The following HYOU1 variants were observed in gnomAD, a reference collection of about 807,000 sequenced individuals.
The protein encoded by HYOU1 is hypoxia up-regulated 1.
HYOU1 carries 40 observed loss-of-function variants against 120.5 expected under a neutral mutation model. The observed-to-expected ratio is 0.33, with a 90% CI of 0.26 to 0.43. HYOU1 has a LOEUF of 0.43. HYOU1 is among the 20% of genes least tolerant of loss of function. The pLI, the probability that HYOU1 is intolerant of heterozygous loss-of-function variation, is 1.00. For missense variants in HYOU1, 1,085 were observed against 1,278.3 expected (o/e 0.85, Z 2.31); for synonymous variants, 501 against 479.4 (o/e 1.05, Z -0.59).
At chr11:119,049,471 G>A in intron 16 of HYOU1, 85 bp downstream of exon 16, 1 of 1,549,944 alleles carries the variant, frequency 6.5e-7, no homozygotes, top group South Asian at 1.1e-5. Flanking sequence ...GGGCAGGGGT[G>A]GCCTACCCTC....
chr11:119,052,418 C>G lies in HYOU1; in HGVS notation c.999G>C (p.Leu333=). ...TTGCCTTGAAGTCCACATCATCCAT[C>G]AGGCCTTCAATCTGGGAGAGGATGG... ...NADHMAQIEG[L]MDDVDFKAKV... Residue 333 remains leucine (L), a synonymous_variant, in exon 10 of 26, where the codon CTG becomes CTC. Coordinates refer to ENST00000617285, the MANE Select transcript of HYOU1 (RefSeq NM_006389.5). This position sits in a 1 kb window ranked among gnomAD's most constrained non-coding sequence, Gnocchi z 5.0. 1.2e-6 allele frequency: 2 copies of G among 1,614,212 alleles called. No individual in the cohort carries two copies. Among genetic ancestry groups the G allele is most frequent in the South Asian group, 2.2e-5 (2 of 91,080 alleles).
intron 16 of HYOU1, 142 bp downstream of exon 16, chr11:119,049,414 A>G (rs1324844492): frequency 6.4e-7 from 1 of 1,571,970 alleles, no homozygotes; most frequent in Non-Finnish European, 8.7e-7. Flanking sequence ...GTCAAGAAAC[A>G]GCTCAGAGCC....
intron 24 of HYOU1, 81 bp downstream of exon 24, chr11:119,046,336 G>T: frequency 1.6e-6 from 2 of 1,226,812 alleles, no homozygotes; most frequent in South Asian, 1.2e-5. Context: ...GGGCTGTCTA[G>T]AAACAGGCTG....
chr11:119,051,267 A>G lies in HYOU1; in HGVS notation c.1527-94T>C. ...CCTCCTGGCACAAGGTGTCAGGGGC[A>G]CTCCCCAAGGGCACACTCAAGAGGA... On this transcript the variant is annotated intron_variant, in intron 13 of 25. Coordinates refer to ENST00000617285, the MANE Select transcript of HYOU1 (RefSeq NM_006389.5). The surrounding 1 kb of genome is among the most constrained non-coding windows in gnomAD (Gnocchi z 4.2). The G allele has an allele frequency of 6.4e-7, 1 of 1,555,844 alleles. No homozygotes were observed. Among genetic ancestry groups the G allele is most frequent in the Non-Finnish European group, 8.8e-7 (1 of 1,138,782 alleles).
At position 119,047,937 on chromosome 11, in the gene HYOU1, G is replaced by A. The variant is rs2133559577; in HGVS notation, c.2510+10C>T. The A allele has an allele frequency of 9.0e-4, 1,456 of 1,614,172 alleles. 15 individuals are homozygous for A. In the East Asian group the frequency reaches 0.018, roughly 20 times the overall value. Reference sequence around the variant, plus strand: ...GGCAGGACTGCAAAAAGGGTTCAGGGGCTGCTCACTTGAGGAACATGCTGG... The same window carrying A: ...GGCAGGACTGCAAAAAGGGTTCAGGAGCTGCTCACTTGAGGAACATGCTGG... On this transcript the variant is annotated intron_variant, in intron 21 of 25. Transcript: ENST00000617285.
chr11:119,048,132 G>A lies in HYOU1; in HGVS notation c.2377-52C>T, dbSNP rs1473162957. The stretch of plus-strand genomic sequence containing the variant: ...GGTGGAAGGGACGACAGCAGAGCCT[G>A]GAGTCAGCCCCATGTCCTTCTTTAT... On this transcript the variant is annotated intron_variant, in intron 20 of 25. Coordinates refer to ENST00000617285, the MANE Select transcript of HYOU1 (RefSeq NM_006389.5). The surrounding 1 kb of genome is among the most constrained non-coding windows in gnomAD (Gnocchi z 4.7). 3 of 1,612,664 alleles carry A rather than the reference G, an allele frequency of 1.9e-6. No individual in the cohort carries two copies. The highest frequency in any genetic ancestry group is 2.0e-4 in the Middle Eastern group (1 of 4,956).
chr11:119,045,839 G>C lies in HYOU1; in HGVS notation c.2888-8C>G, dbSNP rs1333457129. ...TGTCTCCTGGCTCGGATCCTGCTTT[G>C]GGAAGAAACAGGTTAGTCTCCTCAG... On this transcript the variant is annotated splice_polypyrimidine_tract_variant and splice_region_variant and intron_variant, in intron 24 of 25. Coordinates refer to ENST00000617285, the MANE Select transcript of HYOU1 (RefSeq NM_006389.5). The C allele has an allele frequency of 8.1e-6, 13 of 1,612,054 alleles. No individual in the cohort carries two copies. The highest frequency in any genetic ancestry group is 1.1e-5 in the Non-Finnish European group (13 of 1,179,564).
chr11:119,047,952 G>A lies in HYOU1; in HGVS notation c.2505C>T (p.Phe835=), dbSNP rs151232109. The change falls in exon 21 of 26, where the codon TTC becomes TTT. Residue 835 remains phenylalanine, a synonymous_variant. Coordinates refer to ENST00000617285, the MANE Select transcript of HYOU1 (RefSeq NM_006389.5). ...AGGGTTCAGGGGCTGCTCACTTGAG[G>A]AACATGCTGGAATGGTTGAGGAGAT... ...LDNLLNHSSM[F]LKGARLIPEM... is the part of the protein sequence containing the mutation. 2.0e-5 allele frequency: 32 copies of A among 1,614,060 alleles called. No homozygotes were observed. In the African/African-American group the frequency reaches 4.3e-4, roughly 22 times the overall value.
At chr11:119,047,917 G>C (rs2133559388) in intron 21 of HYOU1, 30 bp downstream of exon 21, 17 of 1,613,848 alleles carry the variant, frequency 1.1e-5, no homozygotes, top group Admixed American at 5.0e-5. Flanking sequence ...GCCTTGGCAG[G>C]ACTGCAAAAA....
At position 119,051,814 on chromosome 11, in the gene HYOU1, C is replaced by T; in HGVS notation, c.1338+5G>A. 6.2e-7 allele frequency: 1 copy of T among 1,614,108 alleles called. No individual in the cohort carries two copies. The highest frequency in any genetic ancestry group is 8.5e-7 in the Non-Finnish European group (1 of 1,179,964). Reference sequence around the variant, plus strand: ...CTTGTCACCTGCTCAGTCAGGCTCACTCACCAGGATGGGGTAGACCACTGC... The same window carrying T: ...CTTGTCACCTGCTCAGTCAGGCTCATTCACCAGGATGGGGTAGACCACTGC... On this transcript the variant is annotated splice_donor_5th_base_variant and intron_variant, in intron 12 of 25. Coordinates refer to ENST00000617285, the MANE Select transcript of HYOU1 (RefSeq NM_006389.5). The surrounding 1 kb of genome is among the most constrained non-coding windows in gnomAD (Gnocchi z 4.2).
rs2133567189 is a variant in HYOU1, at chr11:119,048,788, C to T, written c.2091G>A (p.Glu697=). The T allele has an allele frequency of 2.5e-6, 4 of 1,614,166 alleles. No homozygotes were observed. Among genetic ancestry groups the T allele is most frequent in the East Asian group, 2.2e-5 (1 of 44,884 alleles). Residue 697 remains glutamate, a synonymous_variant, in exon 18 of 26, where the codon GAG becomes GAA. Coordinates refer to ENST00000617285, the MANE Select transcript of HYOU1 (RefSeq NM_006389.5). The surrounding 1 kb of genome is among the most constrained non-coding windows in gnomAD (Gnocchi z 4.7). ...GAACAACCAGCTCCACCCCGATCTC[C>T]TCTACCATTCGCCGCTTCCTGGCGG... ...QKPARKRRMV[E]EIGVELVVLD...
chr11:119,047,022 T>C lies in HYOU1; in HGVS notation c.2596-220A>G, dbSNP rs2134678612. 8.8e-6 allele frequency: 5 copies of C among 568,378 alleles called. No homozygotes were observed. In the South Asian group the frequency reaches 1.1e-4, roughly 13 times the overall value. The allele number at this position is 568,378 out of a possible 1,614,324, so 35.2% of individuals were successfully genotyped here. ...AGGTTTCTGGTTTACATCCTACTAC[T>C]CTGGAGTGACTACAACTGAACAAAC... On this transcript the variant is annotated intron_variant, in intron 22 of 25. Transcript: ENST00000617285.
chr11:119,054,689 C>T lies in HYOU1; in HGVS notation c.497-14G>A, dbSNP rs2133607269. 4 of 1,607,040 alleles carry T rather than the reference C, an allele frequency of 2.5e-6. No individual in the cohort carries two copies. In the South Asian group the frequency reaches 4.4e-5, roughly 18 times the overall value. On this transcript the variant is annotated splice_polypyrimidine_tract_variant and intron_variant, in intron 6 of 25. Coordinates refer to ENST00000617285, the MANE Select transcript of HYOU1 (RefSeq NM_006389.5). Reference sequence around the variant, plus strand: ...TGATGGGCTGCTCTACAGATGACAACAGAAAAGGGTCCCGCCGGCTCCATA... The same window carrying T: ...TGATGGGCTGCTCTACAGATGACAATAGAAAAGGGTCCCGCCGGCTCCATA...
chr11:119,051,903 C>T lies in HYOU1; in HGVS notation c.1254G>A (p.Gly418=). ...TGAGCGCAGCTGCCTGGTACACTGC[C>T]CCCATGGCGGCTGCTTCATCTGCAT... is the stretch of plus-strand genomic sequence containing the variant. ...NINADEAAAM[G]AVYQAAALSK... Residue 418 remains glycine, a synonymous_variant, in exon 12 of 26, where the codon GGG becomes GGA. Transcript: ENST00000617285. The surrounding 1 kb of genome is among the most constrained non-coding windows in gnomAD (Gnocchi z 4.2). 4 of 1,614,174 alleles carry T rather than the reference C, an allele frequency of 2.5e-6. No individual in the cohort carries two copies. Among genetic ancestry groups the T allele is most frequent in the Non-Finnish European group, 3.4e-6 (4 of 1,180,034 alleles).
chr11:119,056,595 G>A (rs1193852475), intron 1 of HYOU1, among the ~76,000 whole-genome samples: 2 of 152,256 alleles, frequency 1.3e-5, no homozygotes, highest in African/African-American at 2.4e-5. Flanking sequence ...AGCCAGCTGG[G>A]CCTGGACGGG....
Position 119,048,450 on chromosome 11 carries a change from G to C in HYOU1, c.2253+26C>G. ...CAGAGCCAGGTGTAAGCCCAGTGGGGGGGCTGCTGCCTCCTGCCCACTGAC... is the reference window on the plus strand; with the variant it reads ...CAGAGCCAGGTGTAAGCCCAGTGGGCGGGCTGCTGCCTCCTGCCCACTGAC... On this transcript the variant is annotated intron_variant, in intron 19 of 25. Transcript: ENST00000617285. This position sits in a 1 kb window ranked among gnomAD's most constrained non-coding sequence, Gnocchi z 4.7. The C allele has an allele frequency of 6.2e-7, 1 of 1,613,308 alleles. No homozygotes were observed. Among genetic ancestry groups the C allele is most frequent in the Non-Finnish European group, 8.5e-7 (1 of 1,179,800 alleles).
chr11:119,050,939 G>C, intron 14 of HYOU1, 96 bp downstream of exon 14: 1 of 1,410,906 alleles, frequency 7.1e-7, no homozygotes, highest in Non-Finnish European at 9.7e-7. Flanking sequence ...AACCTTTTTT[G>C]GTTATCTTAT....
At position 119,055,342 on chromosome 11, in the gene HYOU1, G is replaced by A; in HGVS notation, c.265-3C>T. On this transcript the variant is annotated splice_region_variant and splice_polypyrimidine_tract_variant and intron_variant, in intron 4 of 25. Transcript: ENST00000617285. The surrounding 1 kb of genome is among the most constrained non-coding windows in gnomAD (Gnocchi z 4.0). ...GTAGCCTTTGGATTCTTAATCGCCT[G>A]AGGGGTGAAGAAGGAGCAGACTAGT... 6.2e-7 allele frequency: 1 copy of A among 1,612,818 alleles called. No homozygotes were observed. Among genetic ancestry groups the A allele is most frequent in the Non-Finnish European group, 8.5e-7 (1 of 1,179,130 alleles).
rs1033085085 is a variant in HYOU1 at position 119,055,193 on chromosome 11, C to G, written c.411G>C (p.Gln137His). The G allele has an allele frequency of 4.3e-6, 7 of 1,613,368 alleles. No individual in the cohort carries two copies. Among genetic ancestry groups the G allele is most frequent in the Admixed American group, 1.7e-5 (1 of 59,956 alleles). Residue 137 changes from glutamine to histidine, a missense_variant, in exon 5 of 26, where the codon CAG (glutamine) becomes CAC (histidine). Coordinates refer to ENST00000617285, the MANE Select transcript of HYOU1 (RefSeq NM_006389.5). The surrounding 1 kb of genome is among the most constrained non-coding windows in gnomAD (Gnocchi z 4.0). ...CCCAACAGAGCACTCACGAGCTGAT[C>G]TGAAAGTGCACAGTCTGCCTCTGTG... ...FDPQRQTVHF[Q>H]ISSQLQFSPE...
Sources: allele counts gnomAD v4.1 joint callset (sites outside exome capture counted in the v4.1 genomes callset), GRCh38; gene constraint gnomAD v4.1.1; non-coding constraint Gnocchi (gnomAD v3.1); transcripts MANE v1.5; gene names NCBI Gene and HGNC (gene_info 2026-07-23, HGNC 2026-07-21).